The following TMEM131L variants were observed in gnomAD, a reference collection of about 807,000 sequenced individuals.
TMEM131L encodes transmembrane protein 131-like.
A neutral mutation model predicts 192.2 loss-of-function variants in TMEM131L; 54 were observed. The observed-to-expected ratio is 0.28, with a 90% confidence interval of 0.23 to 0.35. The LOEUF is 0.35. Among genes scored for constraint, TMEM131L ranks in the 10% least tolerant of loss-of-function variants. TMEM131L has a pLI of 1.00. For missense variants in TMEM131L, 1,888 were observed against 1,972.9 expected (o/e 0.96, Z 0.82); for synonymous variants, 701 against 704.9 (o/e 0.99, Z 0.09).
chr4:153,553,628 A>G (rs185341341), intron 4 of TMEM131L, among the ~76,000 whole-genome samples: 43 of 152,218 alleles, frequency 2.8e-4, no homozygotes, highest in Admixed American at 1.3e-3. Context: ...AGCTTTTGCT[A>G]TGGTTTATTT....
chr4:153,538,763 T>C (rs1468853715), intron 3 of TMEM131L, among the ~76,000 whole-genome samples: 1 of 152,210 alleles, frequency 6.6e-6, no homozygotes, highest in African/African-American at 2.4e-5. Flanking sequence ...AAGAGAGTGT[T>C]TTCTCTCTCC....
At chr4:153,631,649 C>T (rs1409370750) in intron 31 of TMEM131L, among the ~76,000 whole-genome samples, 1 of 152,180 alleles carries the variant, frequency 6.6e-6, no homozygotes, top group Non-Finnish European at 1.5e-5. Flanking sequence ...GAAAGGTTGC[C>T]AGTGCCTCTG....
intron 3 of TMEM131L, among the ~76,000 whole-genome samples, chr4:153,534,547 C>T (rs2150269990): frequency 6.6e-6 from 1 of 152,300 alleles, no homozygotes; most frequent in African/African-American, 2.4e-5. Context: ...GATTCTCCTG[C>T]CTCAGCCTCC....
At chr4:153,598,479 C>A (rs1471780299) in intron 20 of TMEM131L, 111 bp from the exon 21 acceptor site, 13 of 998,250 alleles carry the variant, frequency 1.3e-5, no homozygotes, top group Non-Finnish European at 1.9e-5. Context: ...TTTTTTAAAA[C>A]TTCAAAAAAG....
intron 10 of TMEM131L, 51 bp from the exon 11 acceptor site, chr4:153,583,513 A>G (rs1730500408): frequency 8.2e-7 from 1 of 1,217,232 alleles, no homozygotes; most frequent in Middle Eastern, 1.9e-4. Context: ...CAAACTGGAT[A>G]AATACTCTCC....
At chr4:153,466,580 T>C in intron 1 of TMEM131L, 59 bp downstream of exon 1, 2 of 1,257,138 alleles carry the variant, frequency 1.6e-6, no homozygotes, top group Non-Finnish European at 2.0e-6. Context: ...CTCTTTCTTT[T>C]AGGGAACTGC....
At chr4:153,626,421 A>C (rs867183193) in intron 30 of TMEM131L, among the ~76,000 whole-genome samples, 196 bp downstream of exon 30, 5 of 152,202 alleles carry the variant, frequency 3.3e-5, no homozygotes, top group African/African-American at 4.8e-5. Context: ...AGGCTCAGGT[A>C]TCGCTATTTT....
At chr4:153,633,291 A>G (rs1433096001) in intron 32 of TMEM131L, 2 of 155,516 alleles carry the variant, frequency 1.3e-5, no homozygotes, top group African/African-American at 4.8e-5. Context: ...ATTATAGCTC[A>G]CTGCAGCCTT....
rs1482412049 is a variant in TMEM131L, at chr4:153,632,828, G to A, written c.4318G>A (p.Val1440Ile). Residue 1440 changes from valine (V) to isoleucine (I), a missense_variant, in exon 32 of 35, where the codon GTT (valine) becomes ATT (isoleucine). Coordinates refer to ENST00000409959, the MANE Select transcript of TMEM131L (RefSeq NM_001131007.2). ...VPCVIQESAP[V>I]HNSFIDWSAT... ...TTGTGTGATTCAGGAGTCGGCCCCGGTTCATAATAGGTACAGCTTCACTTC... is the reference window on the plus strand; with the variant it reads ...TTGTGTGATTCAGGAGTCGGCCCCGATTCATAATAGGTACAGCTTCACTTC... 6 of 1,614,136 alleles carry A rather than the reference G, an allele frequency of 3.7e-6. No individual in the cohort carries two copies. In the Admixed American group the frequency reaches 1.0e-4, roughly 27 times the overall value.
intron 3 of TMEM131L, among the ~76,000 whole-genome samples, chr4:153,545,212 G>A (rs1389671202): frequency 2.0e-5 from 3 of 151,598 alleles, no homozygotes; most frequent in East Asian, 1.9e-4. Context: ...TCACATTGGC[G>A]TTCACGTCAC....
intron 7 of TMEM131L, among the ~76,000 whole-genome samples, chr4:153,580,200 T>G (rs1182910870): frequency 6.6e-6 from 1 of 152,242 alleles, no homozygotes; most frequent in Non-Finnish European, 1.5e-5. Context: ...TTCCTTTTCT[T>G]AAATATGTGT....
intron 3 of TMEM131L, among the ~76,000 whole-genome samples, chr4:153,501,568 G>A (rs1049712435): frequency 2.6e-5 from 4 of 152,084 alleles, no homozygotes; most frequent in Non-Finnish European, 5.9e-5. Flanking sequence ...ACATGGTAAG[G>A]AGTCTCAGGG....
intron 7 of TMEM131L, among the ~76,000 whole-genome samples, chr4:153,559,691 T>A (rs1191157378): frequency 6.6e-6 from 1 of 152,162 alleles, no homozygotes; most frequent in African/African-American, 2.4e-5. Flanking sequence ...ATCTCTCTGA[T>A]GGCCAACTGA....
In TMEM131L at chr4:153,602,285, G is replaced by A; in HGVS notation, c.2400G>A (p.Leu800=). 6.2e-7 allele frequency: 1 copy of A among 1,613,692 alleles called. No individual in the cohort carries two copies. The highest frequency in any genetic ancestry group is 1.1e-5 in the South Asian group (1 of 90,956). Residue 800 remains leucine (L), a synonymous_variant, in exon 22 of 35, where the codon CTG becomes CTA. Coordinates refer to ENST00000409959, the MANE Select transcript of TMEM131L (RefSeq NM_001131007.2). Reference sequence around the variant, plus strand: ...GCCAAGGTTATGGATTCGAGGTGCTGGATTGTCATCAGTTTTCCCTGGACC... The same window carrying A: ...GCCAAGGTTATGGATTCGAGGTGCTAGATTGTCATCAGTTTTCCCTGGACC... ...YNCQGYGFEV[L]DCHQFSLDPN... is the part of the protein sequence containing the mutation.
intron 3 of TMEM131L, among the ~76,000 whole-genome samples, chr4:153,519,002 C>G (rs148619759): frequency 2.6e-5 from 4 of 152,182 alleles, no homozygotes; most frequent in Non-Finnish European, 5.9e-5. Flanking sequence ...ACCATTCTTA[C>G]ATTTGCTGTG....
At chr4:153,526,192 G>C (rs573539694) in intron 3 of TMEM131L, among the ~76,000 whole-genome samples, 248 of 152,272 alleles carry the variant, frequency 1.6e-3, no homozygotes, top group African/African-American at 5.8e-3. Context: ...CCCAGGCGAT[G>C]CGATGCTGCT....
intron 7 of TMEM131L, among the ~76,000 whole-genome samples, chr4:153,563,778 T>C (rs953241271): frequency 2.0e-5 from 3 of 152,232 alleles, no homozygotes; most frequent in Admixed American, 6.5e-5. Flanking sequence ...GGATGTGTGA[T>C]TTTGTGTGCA....
At chr4:153,553,801 C>A (rs960100468) in intron 4 of TMEM131L, among the ~76,000 whole-genome samples, 5 of 152,198 alleles carry the variant, frequency 3.3e-5, no homozygotes, top group African/African-American at 1.2e-4. Context: ...GCTAATCATT[C>A]ATAGAGATTT....
At chr4:153,525,636 A>C (rs576807419) in intron 3 of TMEM131L, among the ~76,000 whole-genome samples, 1 of 152,146 alleles carries the variant, frequency 6.6e-6, no homozygotes, top group Non-Finnish European at 1.5e-5. Context: ...CACCGTGCCC[A>C]GCCCTTTTTC....
Sources: allele counts gnomAD v4.1 joint callset (sites outside exome capture counted in the v4.1 genomes callset), GRCh38; gene constraint gnomAD v4.1.1; transcripts MANE v1.5; gene names NCBI Gene and HGNC (gene_info 2026-07-23, HGNC 2026-07-21).